The following PLCZ1 variants were observed in gnomAD, a reference collection of about 807,000 sequenced individuals.
PLCZ1 encodes 1-phosphatidylinositol 4,5-bisphosphate phosphodiesterase zeta-1.
A neutral mutation model predicts 76.8 loss-of-function variants in PLCZ1; 64 were observed. The observed-to-expected ratio is 0.83, with a 90% CI of 0.68 to 1.03. The LOEUF (loss-of-function observed/expected upper bound fraction) is 1.03, where lower values mean the gene tolerates loss of function less well. PLCZ1 is among the 50% of genes least tolerant of loss of function. The probability of loss-of-function intolerance (pLI) is 0.00; values close to 1 mark genes in which losing one functional copy is unlikely to be tolerated. For missense variants in PLCZ1, 751 were observed against 713.7 expected (o/e 1.05, Z -0.60); for synonymous variants, 248 against 230.8 (o/e 1.07, Z -0.68).
chr12:18,700,342 T>G (rs1391325951), intron 9 of PLCZ1, among the ~76,000 whole-genome samples: 2 of 151,962 alleles, frequency 1.3e-5, no homozygotes, highest in African/African-American at 4.8e-5. Flanking sequence ...CTATTTCTTT[T>G]ACACTTCTTT....
At chr12:18,734,924 T>TA (rs1959186991) in intron 3 of PLCZ1, among the ~76,000 whole-genome samples, 1 of 152,226 alleles carries the variant, frequency 6.6e-6, no homozygotes, top group Admixed American at 6.5e-5. Flanking sequence ...TTTAATGTGT[T>TA]AAGTTCCTTT....
At chr12:18,735,952 T>G (rs1959216382) in intron 3 of PLCZ1, 1 of 310,440 alleles carries the variant, frequency 3.2e-6, no homozygotes, top group Non-Finnish European at 6.0e-6. Context: ...CCATTATCAG[T>G]CTGATATAAT....
the PLCZ1 span, among the ~76,000 whole-genome samples, chr12:18,655,481 C>T: frequency 6.6e-6 from 1 of 152,066 alleles, no homozygotes; most frequent in Admixed American, 6.6e-5. Flanking sequence ...GATGTTGCAC[C>T]TGATAAAAGG....
At chr12:18,713,535 C>T (rs749368991) in intron 5 of PLCZ1, among the ~76,000 whole-genome samples, 7 of 152,132 alleles carry the variant, frequency 4.6e-5, no homozygotes, top group Non-Finnish European at 7.4e-5. Flanking sequence ...ACAGTGTTGG[C>T]TACACAGTAT....
intron 2 of PLCZ1, chr12:18,736,562 CA>C (rs1209957644): frequency 6.8e-5 from 86 of 1,259,734 alleles, no homozygotes; most frequent in East Asian, 3.3e-4. Context: ...AGTAAAAATA[CA>C]AAAAAAAGAA....
the PLCZ1 span, among the ~76,000 whole-genome samples, chr12:18,650,732 AT>A: frequency 3.8e-5 from 1 of 26,622 alleles, no homozygotes; most frequent in African/African-American, 3.0e-4. Flanking sequence ...ATATATATAT[AT>A]ATATATATAT....
At chr12:18,687,969 T>C (rs1953417220) in intron 13 of PLCZ1, 120 bp downstream of exon 13, 3 of 1,352,008 alleles carry the variant, frequency 2.2e-6, no homozygotes, top group Non-Finnish European at 1.0e-6. Flanking sequence ...ATTTTGGACA[T>C]AATGGAAAAC....
chr12:18,719,573 A>G lies in PLCZ1; in HGVS notation c.427T>C (p.Cys143Arg). 6.2e-7 allele frequency: 1 copy of G among 1,605,896 alleles called. No homozygotes were observed. Among genetic ancestry groups the G allele is most frequent in the Non-Finnish European group, 8.5e-7 (1 of 1,175,484 alleles). ...GFTRYMDSRE[C>R]LLFKNECRKV... ...CTACATTCATTTTTAAACAGTAGACATTCACGTGAATCCATGTATCTTGTA... is the reference window on the plus strand; with the variant it reads ...CTACATTCATTTTTAAACAGTAGACGTTCACGTGAATCCATGTATCTTGTA... The change falls in exon 5 of 15, where the codon TGT becomes CGT. Residue 143 changes from cysteine to arginine, a missense_variant. Transcript: ENST00000266505.
chr12:18,683,422 A>G, intron 14 of PLCZ1, 98 bp from the exon 15 acceptor site: 5 of 1,454,786 alleles, frequency 3.4e-6, no homozygotes, highest in Non-Finnish European at 4.8e-6. Context: ...CTAAGCCTAC[A>G]TTAAAAACCA....
Position 18,712,891 on chromosome 12 carries a change from T to C in PLCZ1, c.665A>G (p.Lys222Arg). The C allele has an allele frequency of 6.2e-7, 1 of 1,613,970 alleles. No individual in the cohort carries two copies. The highest frequency in any genetic ancestry group is 8.5e-7 in the Non-Finnish European group (1 of 1,179,860). ...VVYHGYTLTSKLLFKTVIQAI... is the reference protein window; with the variant it reads ...VVYHGYTLTSRLLFKTVIQAI... ...TTGGATAACAGTTTTAAACAGAAGT[T>C]TGCTTGTGAGTGTGTAGCCATGATA... The change falls in exon 6 of 15, where the codon AAA (lysine) becomes AGA (arginine). Residue 222 changes from lysine to arginine, a missense_variant. Transcript: ENST00000266505.
chr12:18,691,467 G>A (rs1954073956), intron 12 of PLCZ1, among the ~76,000 whole-genome samples: 1 of 152,096 alleles, frequency 6.6e-6, no homozygotes, highest in African/African-American at 2.4e-5. Context: ...AAGGAGAATA[G>A]TTTGAGACAA....
the PLCZ1 span, among the ~76,000 whole-genome samples, chr12:18,670,680 AT>A: frequency 6.6e-6 from 1 of 152,086 alleles, no homozygotes; most frequent in East Asian, 1.9e-4. Flanking sequence ...CATTATTATT[AT>A]TGCTATTATC....
At chr12:18,723,691 C>A in intron 3 of PLCZ1, 149 bp from the exon 4 acceptor site, 2 of 749,846 alleles carry the variant, frequency 2.7e-6, no homozygotes, top group Non-Finnish European at 4.3e-6. Flanking sequence ...ATATACAAAG[C>A]TGCATGGAGT....
chr12:18,701,472 T>G, intron 9 of PLCZ1, 29 bp downstream of exon 9: 1 of 1,614,024 alleles, frequency 6.2e-7, no homozygotes, highest in Non-Finnish European at 8.5e-7. Context: ...TCCAATCACT[T>G]GTAAGATTTT....
chr12:18,684,019 C>T (rs1952714881), intron 14 of PLCZ1, 111 bp downstream of exon 14: 3 of 1,261,184 alleles, frequency 2.4e-6, no homozygotes, highest in Non-Finnish European at 2.2e-6. Context: ...CATAAAATTT[C>T]CTTTACATCC....
the PLCZ1 span, among the ~76,000 whole-genome samples, chr12:18,675,457 A>G: frequency 1.4e-3 from 218 of 152,302 alleles, 1 homozygote; most frequent in African/African-American, 5.0e-3. Context: ...GGAAAAAAGT[A>G]TGGGTATTTC....
chr12:18,683,742 A>G (rs1952676448), intron 14 of PLCZ1: 1 of 726,528 alleles, frequency 1.4e-6, no homozygotes, highest in Non-Finnish European at 2.1e-6. Flanking sequence ...AGGGGTCAGG[A>G]AAGGATAGTC....
chr12:18,650,321 CTCTCTCTCTCTA>C, the PLCZ1 span, among the ~76,000 whole-genome samples: 2 of 87,760 alleles, frequency 2.3e-5, no homozygotes, highest in African/African-American at 1.2e-4. Flanking sequence ...CTCTCTCTCT[CTCTCTCTCTCTA>C]TATATATATA....
chr12:18,732,653 T>G (rs1014809539), intron 3 of PLCZ1, among the ~76,000 whole-genome samples: 8 of 152,134 alleles, frequency 5.3e-5, no homozygotes, highest in African/African-American at 1.9e-4. Context: ...CTGGTAACTA[T>G]CATTCAACTC....
Sources: allele counts gnomAD v4.1 joint callset (sites outside exome capture counted in the v4.1 genomes callset), GRCh38; gene constraint gnomAD v4.1.1; transcripts MANE v1.5; gene names NCBI Gene and HGNC (gene_info 2026-07-23, HGNC 2026-07-21).